TICRR: variants seen among roughly 807,000 people sequenced by gnomAD.
The protein encoded by TICRR is TOPBP1 interacting checkpoint and replication regulator.
A neutral mutation model predicts 178.1 loss-of-function variants in TICRR; 132 were observed. That is an observed-to-expected ratio of 0.74 (90% confidence interval 0.64 to 0.86). TICRR has a LOEUF of 0.86. TICRR is among the 40% of genes least tolerant of loss of function. The pLI, the probability that TICRR is intolerant of heterozygous loss-of-function variation, is 0.00. For missense variants in TICRR, 2,587 were observed against 2,334.3 expected (o/e 1.11, Z -2.23); for synonymous variants, 991 against 900.7 (o/e 1.10, Z -1.79).
chr15:89,625,411 G>T lies in TICRR; in HGVS notation c.5101G>T (p.Gly1701Trp), dbSNP rs200226016. 3.1e-6 allele frequency: 5 copies of T among 1,613,990 alleles called. No individual in the cohort carries two copies. Among genetic ancestry groups the T allele is most frequent in the Non-Finnish European group, 4.2e-6 (5 of 1,180,008 alleles). The change falls in exon 20 of 22, where the codon GGG becomes TGG. Residue 1701 changes from glycine to tryptophan, a missense_variant. Transcript: ENST00000268138. ...GGGCTGTGGCGCCGGCTCCTCTTCC[G>T]GGAGGGGCGAGGTCGGTGCAGACCT... ...AVGCGAGSSSGRGEVGADLPG... is the reference protein window; with the variant it reads ...AVGCGAGSSSWRGEVGADLPG...
At chr15:89,609,187 T>C (rs1413200823) in intron 15 of TICRR, among the ~76,000 whole-genome samples, 1 of 136,618 alleles carries the variant, frequency 7.3e-6, no homozygotes, top group Non-Finnish European at 1.5e-5. Context: ...CTCAGCTCAC[T>C]GCAGCCTCCA....
intron 1 of TICRR, among the ~76,000 whole-genome samples, chr15:89,576,800 GGTGTGTGT>G (rs1182485061): frequency 4.0e-5 from 2 of 50,224 alleles, no homozygotes; most frequent in Non-Finnish European, 1.2e-4. Context: ...AATACCCAGG[GGTGTGTGT>G]GTATGTGTGT....
intron 3 of TICRR, 126 bp from the exon 4 acceptor site, chr15:89,585,582 T>C: frequency 1.4e-6 from 1 of 697,824 alleles, no homozygotes; most frequent in Non-Finnish European, 2.5e-6. Flanking sequence ...TGATCAAATC[T>C]ATCTTTTTCA....
In TICRR at chr15:89,620,694, C is replaced by G. The variant is rs376181224; in HGVS notation, c.3155-699C>G. ...ATTGTTGCCTTCTTTCTTTTATGAA[C>G]TGGCTGGGTTTTTCTTATGTTTTGT... On this transcript the variant is annotated intron_variant, in intron 18 of 21. Transcript: ENST00000268138. Among the ~76,000 whole-genome samples, 7 of 152,064 alleles carry G rather than the reference C, an allele frequency of 4.6e-5. No individual in the cohort carries two copies. The East Asian group carries it at 1.2e-3, about 25-fold the overall frequency.
chr15:89,582,865 G>A lies in TICRR; in HGVS notation c.834G>A (p.Met278Ile). The change falls in exon 2 of 22, where the codon ATG (methionine) becomes ATA (isoleucine). Residue 278 changes from methionine (M) to isoleucine (I), a missense_variant. Coordinates refer to ENST00000268138, the MANE Select transcript of TICRR (RefSeq NM_152259.4). ...CTCATCTTTCTCCGTGGATTTCAAT[G>A]CTGCCAACTGATGCCACTTTAAACC... ...SEPHLSPWIS[M>I]LPTDATLNRL... The A allele has an allele frequency of 5.0e-6, 8 of 1,614,172 alleles. No individual in the cohort carries two copies. Among genetic ancestry groups the A allele is most frequent in the East Asian group, 2.2e-5 (1 of 44,896 alleles).
Position 89,619,924 on chromosome 15 carries a change from A to T in TICRR, c.3154+82A>T, listed in dbSNP as rs115739012. On this transcript the variant is annotated intron_variant, in intron 18 of 21. Coordinates refer to ENST00000268138, the MANE Select transcript of TICRR (RefSeq NM_152259.4). Reference sequence around the variant, plus strand: ...TTTGGGAAAAGAAGCAAGAAATTTGACATTTTCTTTCTTGACATTGGAGAA... The same window carrying T: ...TTTGGGAAAAGAAGCAAGAAATTTGTCATTTTCTTTCTTGACATTGGAGAA... 1,204 of 1,501,846 alleles carry T rather than the reference A, an allele frequency of 8.0e-4. 7 individuals are homozygous for T. In the African/African-American group the frequency reaches 0.016, roughly 19 times the overall value. 93.0% of individuals were successfully genotyped at this position (1,501,846 alleles called of 1,614,324 possible).
At chr15:89,594,601 T>C in intron 6 of TICRR, 47 bp downstream of exon 6, 2 of 1,459,064 alleles carry the variant, frequency 1.4e-6, no homozygotes, top group Non-Finnish European at 1.8e-6. Context: ...TTTTTGAGAC[T>C]GTATGTTTTA....
intron 5 of TICRR, 106 bp downstream of exon 5, chr15:89,592,282 T>C (rs2141958923): frequency 6.7e-6 from 6 of 896,510 alleles, no homozygotes; most frequent in East Asian, 2.7e-5. Context: ...TCTAATAATA[T>C]TAAAAAGTAG....
intron 4 of TICRR, among the ~76,000 whole-genome samples, chr15:89,588,289 T>C (rs995403616): frequency 1.3e-5 from 2 of 151,842 alleles, no homozygotes; most frequent in Non-Finnish European, 2.9e-5. Flanking sequence ...GTCGTGAAGG[T>C]AAAGTGAGAT....
In TICRR at chr15:89,575,816, A is replaced by C. The variant is rs761389345; in HGVS notation, c.230A>C (p.Glu77Ala). The change falls in exon 1 of 22, where the codon GAG becomes GCG. Residue 77 changes from glutamate (E) to alanine (A), a missense_variant. By Grantham distance (107) the Glu-to-Ala change is moderately radical (BLOSUM62 -1). Transcript: ENST00000268138. ...GGGTCCCGCTCGTGGGAGGACTTTG[A>C]GGAGGAGCTGGAGGCCAGGCTCGAG... ...ELGSRSWEDF[E>A]EELEARLEDR... 8.7e-5 allele frequency: 139 copies of C among 1,601,664 alleles called. No individual in the cohort carries two copies. Among genetic ancestry groups the C allele is most frequent in the Non-Finnish European group, 1.2e-4 (136 of 1,175,762 alleles).
In TICRR at chr15:89,582,725, T is replaced by C; in HGVS notation, c.694T>C (p.Cys232Arg). Residue 232 changes from cysteine (C) to arginine (R), a missense_variant, in exon 2 of 22, where the codon TGT (cysteine) becomes CGT (arginine). Transcript: ENST00000268138. Reference sequence around the variant, plus strand: ...AGACCACCTTGGATACTGGACTGTTTGTGAACTGCTCCACCACGGAGGTGG... The same window carrying C: ...AGACCACCTTGGATACTGGACTGTTCGTGAACTGCTCCACCACGGAGGTGG... The part of the protein sequence containing the change: ...SPDHLGYWTV[C>R]ELLHHGGGTV... 5 of 1,614,250 alleles carry C rather than the reference T, an allele frequency of 3.1e-6. No homozygotes were observed. The highest frequency in any genetic ancestry group is 4.2e-6 in the Non-Finnish European group (5 of 1,180,040).
At position 89,582,715 on chromosome 15, in the gene TICRR, C is replaced by A; in HGVS notation, c.684C>A (p.Tyr228Ter). The change falls in exon 2 of 22, where the codon TAC becomes TAA. Residue 228 changes from tyrosine to a stop codon, truncating the protein, a stop_gained. Transcript: ENST00000268138. LOFTEE classifies it high-confidence loss of function. ...GGGAATCCCCAGACCACCTTGGATA[C>A]TGGACTGTTTGTGAACTGCTCCACC... is the stretch of plus-strand genomic sequence containing the variant. ...KLWESPDHLG[Y>*]WTVCELLHHG... 6.2e-7 allele frequency: 1 copy of A among 1,614,156 alleles called. No individual in the cohort carries two copies. Among genetic ancestry groups the A allele is most frequent in the Non-Finnish European group, 8.5e-7 (1 of 1,180,018 alleles).
At chr15:89,576,943 G>A (rs574382018) in intron 1 of TICRR, among the ~76,000 whole-genome samples, 24 of 149,326 alleles carry the variant, frequency 1.6e-4, no homozygotes, top group African/African-American at 4.4e-4. Flanking sequence ...AGTGTATGTC[G>A]CCCAGGCTGG....
At chr15:89,602,097 T>C (rs1963108626) in intron 12 of TICRR, 121 bp downstream of exon 12, 2 of 1,244,052 alleles carry the variant, frequency 1.6e-6, no homozygotes, top group Non-Finnish European at 1.1e-6. Context: ...GCTGCCCTTA[T>C]GTCTGAATCA....
At chr15:89,618,453 G>C (rs189800479) in intron 17 of TICRR, among the ~76,000 whole-genome samples, 1 of 152,320 alleles carries the variant, frequency 6.6e-6, no homozygotes, top group East Asian at 1.9e-4. Context: ...GGGCTAAACT[G>C]TGTTATACAA....
In TICRR at chr15:89,627,050, G is replaced by A. The variant is rs1272724963; in HGVS notation, c.5697G>A (p.Arg1899=). The A allele has an allele frequency of 6.2e-7, 1 of 1,614,148 alleles. No homozygotes were observed. The highest frequency in any genetic ancestry group is 8.5e-7 in the Non-Finnish European group (1 of 1,180,036). The change falls in exon 22 of 22, where the codon CGG becomes CGA. Residue 1899 remains arginine, a synonymous_variant. Coordinates refer to ENST00000268138, the MANE Select transcript of TICRR (RefSeq NM_152259.4). ...RRRPISRTYT[R]KKLMGTWLED... Reference sequence around the variant, plus strand: ...GCCCCATCAGCAGAACTTATACACGGAAGAAGCTCATGGGAACCTGGCTGG... The same window carrying A: ...GCCCCATCAGCAGAACTTATACACGAAAGAAGCTCATGGGAACCTGGCTGG...
intron 3 of TICRR, among the ~76,000 whole-genome samples, chr15:89,585,179 G>C (rs79762279): frequency 1.3e-5 from 2 of 152,182 alleles, no homozygotes; most frequent in African/African-American, 4.8e-5. Flanking sequence ...GACAGATGCT[G>C]TTCTGAGAGT....
Position 89,624,380 on chromosome 15 carries a change from T to C in TICRR, c.4070T>C (p.Val1357Ala), listed in dbSNP as rs200468614. ...GTAGCTGCATCTCTCTCCTGCCCTG[T>C]TCCCTCAACTCCCCCTGAACTCTCA... The part of the protein sequence containing the change: ...PSVAASLSCP[V>A]PSTPPELSQR... The change falls in exon 20 of 22, where the codon GTT (valine) becomes GCT (alanine). Residue 1357 changes from valine to alanine, a missense_variant. By Grantham distance (64) the Val-to-Ala change is moderately conservative. Coordinates refer to ENST00000268138, the MANE Select transcript of TICRR (RefSeq NM_152259.4). The C allele has an allele frequency of 4.5e-5, 72 of 1,614,070 alleles. No individual in the cohort carries two copies. The East Asian group carries it at 5.6e-4, about 12-fold the overall frequency.
In TICRR at chr15:89,584,236, T is replaced by C. The variant is rs138805344; in HGVS notation, c.935-50T>C. The C allele has an allele frequency of 8.9e-3, 13,362 of 1,505,296 alleles. 74 individuals are homozygous for C. Among genetic ancestry groups the C allele is most frequent in the Non-Finnish European group, 0.011 (12,232 of 1,122,346 alleles). 93.2% of individuals were successfully genotyped at this position (1,505,296 alleles called of 1,614,324 possible). On this transcript the variant is annotated intron_variant, in intron 2 of 21. Coordinates refer to ENST00000268138, the MANE Select transcript of TICRR (RefSeq NM_152259.4). ...TTCCTTATATTGGAATTTTAATCTT[T>C]TTTTAAAATTTTAATTTGGCATCCT... is the stretch of plus-strand genomic sequence containing the variant.
Sources: gnomAD v4.1 joint callset for allele counts (sites outside exome capture counted in the v4.1 genomes callset) on GRCh38, gnomAD v4.1.1 for gene constraint, MANE v1.5 for transcripts, NCBI Gene and HGNC (gene_info 2026-07-23, HGNC 2026-07-21) for gene names.